SLCO1C1: variants seen among roughly 807,000 people sequenced by gnomAD.
The protein encoded by SLCO1C1 is solute carrier organic anion transporter family member 1C1.
SLCO1C1 carries 70 observed loss-of-function variants against 76.4 expected under a neutral mutation model. The ratio of observed to expected loss-of-function variants is 0.92; its 90% confidence interval spans 0.76 to 1.12. The LOEUF (loss-of-function observed/expected upper bound fraction) is 1.12. Among genes scored for constraint, SLCO1C1 ranks in the 50% most tolerant of loss-of-function variants. The probability of loss-of-function intolerance (pLI) is 0.00; values close to 1 mark genes in which losing one functional copy is unlikely to be tolerated. For synonymous variants in SLCO1C1, 306 were observed against 286.1 expected (o/e 1.07, Z -0.70); for missense variants, 912 against 823.8 (o/e 1.11, Z -1.31).
At chr12:20,735,046 A>AAGG (rs1948476233) in intron 10 of SLCO1C1, among the ~76,000 whole-genome samples, 6 of 152,200 alleles carry the variant, frequency 3.9e-5, no homozygotes, top group African/African-American at 1.4e-4. Flanking sequence ...TTACAAATCT[A>AAGG]CTGTCAGCAC....
At chr12:20,721,685 A>G in intron 7 of SLCO1C1, 119 bp from the exon 8 acceptor site, 1 of 1,245,440 alleles carries the variant, frequency 8.0e-7, no homozygotes, top group Non-Finnish European at 1.1e-6. Context: ...AATAGCATAG[A>G]TGAATTATTA....
intron 6 of SLCO1C1, 122 bp from the exon 7 acceptor site, chr12:20,717,010 C>A (rs535447595): frequency 3.8e-6 from 3 of 780,220 alleles, no homozygotes; most frequent in Admixed American, 3.0e-5. Flanking sequence ...TAAACACATG[C>A]AAATGAGTTA....
intron 3 of SLCO1C1, among the ~76,000 whole-genome samples, chr12:20,703,955 CTGTGTGTGTG>C (rs146325219): frequency 2.9e-5 from 4 of 140,272 alleles, no homozygotes; most frequent in East Asian, 2.1e-4. Flanking sequence ...TCGAGTGTGT[CTGTGTGTGTG>C]TGTGTGTGTG....
intron 4 of SLCO1C1, among the ~76,000 whole-genome samples, chr12:20,708,949 T>G (rs1946919766): frequency 6.6e-6 from 1 of 152,164 alleles, no homozygotes; most frequent in African/African-American, 2.4e-5. Flanking sequence ...TAGTTTGTCC[T>G]CTGAATGAGA....
rs150072453 is a variant in SLCO1C1 at position 20,706,935 on chromosome 12, T to C, written c.404+854T>C. On this transcript the variant is annotated intron_variant, in intron 4 of 14. Coordinates refer to ENST00000266509, the MANE Select transcript of SLCO1C1 (RefSeq NM_017435.5). ...TAGAAGATTATATTTCAAGTGATAC[T>C]TTATTGTCCACTCTAGATCATTGTA... Among the ~76,000 whole-genome samples the C allele has an allele frequency of 3.1e-4, 47 of 152,300 alleles. No homozygotes were observed. In the East Asian group the frequency reaches 4.4e-3, roughly 14 times the overall value.
At chr12:20,751,433 G>A (rs1032642457) in intron 14 of SLCO1C1, among the ~76,000 whole-genome samples, 1 of 152,100 alleles carries the variant, frequency 6.6e-6, no homozygotes, top group African/African-American at 2.4e-5. Flanking sequence ...TGGCTTAAAA[G>A]CAAGAAAGAT....
chr12:20,711,747 A>G (rs1947116267), intron 5 of SLCO1C1, among the ~76,000 whole-genome samples: 1 of 152,232 alleles, frequency 6.6e-6, no homozygotes, highest in African/African-American at 2.4e-5. Flanking sequence ...AGTTCCTGGG[A>G]AAATCTTTCA....
chr12:20,710,849 T>C (rs984793917), intron 4 of SLCO1C1, among the ~76,000 whole-genome samples: 1 of 152,168 alleles, frequency 6.6e-6, no homozygotes, highest in African/African-American at 2.4e-5. Flanking sequence ...TTTATCAAGT[T>C]GAATACTTTT....
intron 14 of SLCO1C1, among the ~76,000 whole-genome samples, chr12:20,751,062 A>G (rs768282451): frequency 1.3e-5 from 2 of 152,146 alleles, no homozygotes; most frequent in Non-Finnish European, 2.9e-5. Flanking sequence ...TAGAATTTTG[A>G]AAGTTTATGC....
intron 10 of SLCO1C1, among the ~76,000 whole-genome samples, chr12:20,734,032 C>T (rs952779025): frequency 2.0e-5 from 3 of 152,166 alleles, no homozygotes; most frequent in Middle Eastern, 3.2e-3. Flanking sequence ...TGCCTGGCCA[C>T]CTGAAACTCT....
At chr12:20,743,206 C>G in intron 12 of SLCO1C1, 99 bp from the exon 13 acceptor site, 2 of 1,166,224 alleles carry the variant, frequency 1.7e-6, no homozygotes, top group Non-Finnish European at 2.5e-6. Flanking sequence ...CACTTGAATT[C>G]TAACATGATT....
intron 12 of SLCO1C1, among the ~76,000 whole-genome samples, chr12:20,740,782 T>TA (rs1323598101): frequency 0.4 from 32,445 of 82,004 alleles, 8,451 homozygotes; most frequent in East Asian, 0.54. Flanking sequence ...TAGAATTTAT[T>TA]TTATTTATAT....
chr12:20,750,732 G>T lies in SLCO1C1; in HGVS notation c.1856G>T (p.Trp619Leu). Residue 619 changes from tryptophan (W) to leucine (L), a missense_variant, in exon 14 of 15, where the codon TGG (tryptophan) becomes TTG (leucine). By Grantham distance (61) the Trp-to-Leu change is moderately conservative. Coordinates refer to ENST00000266509, the MANE Select transcript of SLCO1C1 (RefSeq NM_017435.5). ...TTGATTGATACTTCATGCCTCAAAT[G>T]GGGATTTAAAAGATGTGGAAGTAGA... ...GVLIDTSCLK[W>L]GFKRCGSRGS... is the part of the protein sequence containing the mutation. 1 of 1,614,040 alleles carries T rather than the reference G, an allele frequency of 6.2e-7. No individual in the cohort carries two copies. Among genetic ancestry groups the T allele is most frequent in the Non-Finnish European group, 8.5e-7 (1 of 1,179,946 alleles).
intron 9 of SLCO1C1, among the ~76,000 whole-genome samples, chr12:20,726,183 A>C (rs796285195): frequency 1.6e-4 from 25 of 152,168 alleles, no homozygotes; most frequent in African/African-American, 5.5e-4. Context: ...GTAAATGCGT[A>C]TATCTGTCGT....
chr12:20,725,255 ATT>A (rs1947917133), intron 9 of SLCO1C1, among the ~76,000 whole-genome samples: 1 of 135,946 alleles, frequency 7.4e-6, no homozygotes, highest in Non-Finnish European at 1.6e-5. Flanking sequence ...AAAAATATGT[ATT>A]TTAATATGTA....
At chr12:20,747,633 C>T in intron 13 of SLCO1C1, among the ~76,000 whole-genome samples, 1 of 152,064 alleles carries the variant, frequency 6.6e-6, no homozygotes, top group East Asian at 1.9e-4. Flanking sequence ...GTCTTCACAT[C>T]ATTAAAGGTA....
intron 10 of SLCO1C1, among the ~76,000 whole-genome samples, chr12:20,735,581 T>C (rs11045421): frequency 0.049 from 7,440 of 152,230 alleles, 488 homozygotes; most frequent in African/African-American, 0.15. Context: ...TGGAAGAGAA[T>C]AGGATTAAAC....
chr12:20,721,934 C>G lies in SLCO1C1; in HGVS notation c.906C>G (p.Ser302=). 1 of 1,613,978 alleles carries G rather than the reference C, an allele frequency of 6.2e-7. No homozygotes were observed. Among genetic ancestry groups the G allele is most frequent in the Non-Finnish European group, 8.5e-7 (1 of 1,179,982 alleles). The change falls in exon 8 of 15, where the codon TCC becomes TCG. Residue 302 remains serine, a synonymous_variant. Transcript: ENST00000266509. ...ATTTACCAAAGAGTTTACCAAGATC[C>G]CAAAGTAGAGAGGATTCTAATTCTT... ...FWYLPKSLPR[S]QSREDSNSSS...
chr12:20,706,202 T>A (rs1946768034), intron 4 of SLCO1C1, 121 bp downstream of exon 4: 19 of 1,232,610 alleles, frequency 1.5e-5, no homozygotes, highest in Non-Finnish European at 2.1e-5. Flanking sequence ...TTACTTTTAT[T>A]ACATTCTCTT....
Sources: gnomAD v4.1 joint callset for allele counts (sites outside exome capture counted in the v4.1 genomes callset) on GRCh38, gnomAD v4.1.1 for gene constraint, MANE v1.5 for transcripts, NCBI Gene and HGNC (gene_info 2026-07-23, HGNC 2026-07-21) for gene names.